The following LRP1B variants were observed in gnomAD, a reference collection of about 807,000 sequenced individuals.
LRP1B encodes low-density lipoprotein receptor-related protein 1B.
Under a neutral mutation model 556.6 loss-of-function variants are expected in LRP1B, and 217 were observed. That is an observed-to-expected ratio of 0.39 (90% confidence interval 0.35 to 0.44). LRP1B has a LOEUF of 0.44. LRP1B is among the 20% of genes least tolerant of loss of function. The probability of loss-of-function intolerance (pLI) is 1.00; values close to 1 mark genes in which losing one functional copy is unlikely to be tolerated. For synonymous variants in LRP1B, 2,047 were observed against 1,865.8 expected (o/e 1.10, Z -2.50); for missense variants, 5,053 against 5,620.8 (o/e 0.90, Z 3.23).
intron 2 of LRP1B, among the ~76,000 whole-genome samples, chr2:141,567,664 T>C (rs535323627): frequency 1.3e-5 from 2 of 152,080 alleles, no homozygotes; most frequent in South Asian, 4.2e-4. Context: ...TCTAAGTGTT[T>C]AGAATATGCT....
intron 62 of LRP1B, among the ~76,000 whole-genome samples, chr2:140,452,728 T>C (rs1315549358): frequency 2.0e-5 from 3 of 152,084 alleles, no homozygotes; most frequent in Non-Finnish European, 2.9e-5. Context: ...AGAATACTGT[T>C]ACTTTCTTCA....
chr2:141,340,233 C>A (rs1688008588), intron 3 of LRP1B, among the ~76,000 whole-genome samples: 1 of 152,186 alleles, frequency 6.6e-6, no homozygotes, highest in Non-Finnish European at 1.5e-5. Context: ...AAGTCTATTT[C>A]TTCTGATTAC....
intron 33 of LRP1B, among the ~76,000 whole-genome samples, chr2:140,771,327 TTTGA>T (rs1193393354): frequency 6.6e-6 from 1 of 152,144 alleles, no homozygotes; most frequent in Non-Finnish European, 1.5e-5. Flanking sequence ...CTTTTTCTCT[TTTGA>T]TTTTTAAATT....
intron 2 of LRP1B, among the ~76,000 whole-genome samples, chr2:141,641,798 C>T (rs1689346744): frequency 6.6e-6 from 1 of 152,196 alleles, no homozygotes; most frequent in East Asian, 1.9e-4. Context: ...ACCTGGGACT[C>T]ATGATTAATA....
intron 3 of LRP1B, among the ~76,000 whole-genome samples, chr2:141,380,341 T>C (rs1689591581): frequency 1.3e-5 from 2 of 152,192 alleles, no homozygotes; most frequent in Admixed American, 6.5e-5. Context: ...CACTTGTGCC[T>C]GAGAGTTAAT....
intron 45 of LRP1B, among the ~76,000 whole-genome samples, chr2:140,538,440 A>G (rs1364690532): frequency 6.6e-6 from 1 of 152,082 alleles, no homozygotes; most frequent in Non-Finnish European, 1.5e-5. Flanking sequence ...TGAGCATCGA[A>G]TGTTTAGCTC....
intron 2 of LRP1B, among the ~76,000 whole-genome samples, chr2:141,707,934 A>G (rs1692205636): frequency 6.6e-6 from 1 of 152,164 alleles, no homozygotes; most frequent in Admixed American, 6.6e-5. Context: ...GAAATCTTCT[A>G]ACGTTTGCCA....
At chr2:140,807,611 A>G (rs1690765916) in intron 32 of LRP1B, among the ~76,000 whole-genome samples, 1 of 151,326 alleles carries the variant, frequency 6.6e-6, no homozygotes, top group Non-Finnish European at 1.5e-5. Context: ...TCGAGCTCAC[A>G]AAGTGCTGGG....
At chr2:141,806,782 A>T (rs898594000) in intron 2 of LRP1B, among the ~76,000 whole-genome samples, 2 of 151,872 alleles carry the variant, frequency 1.3e-5, no homozygotes, top group South Asian at 4.1e-4. Context: ...CTTCTAAAGC[A>T]TTTTATAAGT....
intron 7 of LRP1B, among the ~76,000 whole-genome samples, chr2:141,102,778 A>G (rs760714981): frequency 6.6e-6 from 1 of 152,120 alleles, no homozygotes; most frequent in East Asian, 1.9e-4. Flanking sequence ...ACTATTTTAT[A>G]TACTTGAACC....
chr2:141,553,052 T>A (rs929767800), intron 2 of LRP1B, among the ~76,000 whole-genome samples: 1 of 151,858 alleles, frequency 6.6e-6, no homozygotes, highest in African/African-American at 2.4e-5. Context: ...AGTGTCAGGC[T>A]TTTCCTGTCT....
chr2:140,732,478 A>T (rs1199772862), intron 35 of LRP1B, among the ~76,000 whole-genome samples: 2 of 151,786 alleles, frequency 1.3e-5, no homozygotes, highest in African/African-American at 4.8e-5. Context: ...GCTTTAAAAA[A>T]CTCTTGAAGG....
In LRP1B at chr2:141,188,451, G is replaced by A. The variant is rs2105193066; in HGVS notation, c.983C>T (p.Pro328Leu). 2.5e-6 allele frequency: 4 copies of A among 1,612,356 alleles called. No homozygotes were observed. The highest frequency in any genetic ancestry group is 2.5e-6 in the Non-Finnish European group (3 of 1,179,040). ...VTLIDLELHNPKAIAVDPIAG... is the reference protein window; with the variant it reads ...VTLIDLELHNLKAIAVDPIAG... ...TATTGGATCTACTGCTATTGCTTTA[G>A]GATTGTGAAGCTCCAGATCAATCAG... The change falls in exon 7 of 91, where the codon CCT (proline) becomes CTT (leucine). Residue 328 changes from proline (P) to leucine (L), a missense_variant. Pro to Leu is a moderately conservative substitution (Grantham distance 98, BLOSUM62 -3). Around this residue, in one of 5 missense-constraint regions of LRP1B, gnomAD observed 3,619 missense variants for 3,931.9 expected, o/e 0.92. Transcript: ENST00000389484.
rs531582214 is a variant in LRP1B, at chr2:140,940,152, C to T, written c.3136+10083G>A. Among the ~76,000 whole-genome samples the T allele has an allele frequency of 8.6e-5, 13 of 151,990 alleles. No homozygotes were observed. The South Asian group carries it at 1.0e-3, about 12-fold the overall frequency. On this transcript the variant is annotated intron_variant, in intron 20 of 90. Coordinates refer to ENST00000389484, the MANE Select transcript of LRP1B (RefSeq NM_018557.3). The stretch of plus-strand genomic sequence containing the variant: ...CGTCTGCTTCAGCTTCCCAAAATGC[C>T]GTGATTACAGGGGTGAGCCACCACG...
chr2:141,111,654 C>T (rs1003142822), intron 7 of LRP1B, among the ~76,000 whole-genome samples: 3 of 152,128 alleles, frequency 2.0e-5, no homozygotes, highest in Non-Finnish European at 4.4e-5. Flanking sequence ...CCAGCCCTAT[C>T]AGCTTGTATG....
At chr2:141,836,044 T>C (rs1697266315) in intron 1 of LRP1B, among the ~76,000 whole-genome samples, 1 of 151,502 alleles carries the variant, frequency 6.6e-6, no homozygotes, top group African/African-American at 2.4e-5. Context: ...TCAGGACACA[T>C]ATAAACAAAA....
chr2:141,461,061 A>T (rs949547830), intron 3 of LRP1B, among the ~76,000 whole-genome samples: 5 of 152,080 alleles, frequency 3.3e-5, no homozygotes, highest in East Asian at 1.9e-4. Context: ...AGTCATTGGC[A>T]CATAGATGAT....
chr2:141,302,887 T>C (rs1410530457), intron 3 of LRP1B, among the ~76,000 whole-genome samples: 8 of 152,142 alleles, frequency 5.3e-5, no homozygotes, highest in Admixed American at 1.3e-4. Flanking sequence ...AATAAAGAAA[T>C]CCTTGTGCAA....
At chr2:140,727,390 C>T (rs13407299) in intron 35 of LRP1B, among the ~76,000 whole-genome samples, 21,213 of 152,166 alleles carry the variant, frequency 0.14, 1,622 homozygotes, top group South Asian at 0.2. Context: ...TGTCTCCACA[C>T]GTATATCACC....
Sources: gnomAD v4.1 joint callset for allele counts (sites outside exome capture counted in the v4.1 genomes callset) on GRCh38, gnomAD v4.1.1 for gene constraint, gnomAD v4.1.1 regional missense constraint, MANE v1.5 for transcripts, NCBI Gene and HGNC (gene_info 2026-07-23, HGNC 2026-07-21) for gene names.